Variants in ARFGEF1 observed in about 807,000 individuals in gnomAD.
ARFGEF1 encodes the protein brefeldin A-inhibited guanine nucleotide-exchange protein 1.
Under a neutral mutation model 231.0 loss-of-function variants are expected in ARFGEF1, and 42 were observed. The ratio of observed to expected loss-of-function variants is 0.18; its 90% CI spans 0.14 to 0.24. The LOEUF (loss-of-function observed/expected upper bound fraction) is 0.24, where lower values mean the gene tolerates loss of function less well. Among genes scored for constraint, ARFGEF1 ranks in the 10% least tolerant of loss-of-function variants. The pLI is 1.00. For missense variants in ARFGEF1, 1,345 were observed against 2,192.0 expected, an observed-to-expected ratio of 0.61 and a Z score of 7.72; for synonymous variants, 710 against 732.3, an observed-to-expected ratio of 0.97 and a Z score of 0.49.
In ARFGEF1 at chr8:67,201,624, T is replaced by C; in HGVS notation, c.5129-19A>G. 3 of 1,612,692 alleles carry C rather than the reference T, an allele frequency of 1.9e-6. No homozygotes were observed. Among genetic ancestry groups the C allele is most frequent in the Admixed American group, 1.7e-5 (1 of 59,802 alleles). On this transcript the variant is annotated intron_variant, in intron 36 of 38. Coordinates refer to ENST00000262215, the MANE Select transcript of ARFGEF1 (RefSeq NM_006421.5). ...TTGAATCCTGCAGAAAAGGGAAGTTTCTGGGATTAGTTTGGGAAGGCATCT... is the reference window on the plus strand; with the variant it reads ...TTGAATCCTGCAGAAAAGGGAAGTTCCTGGGATTAGTTTGGGAAGGCATCT...
Position 67,253,437 on chromosome 8 carries a change from AT to A in ARFGEF1, c.2698+13del. The A allele has an allele frequency of 6.6e-7, 1 of 1,505,488 alleles. No homozygotes were observed. Among genetic ancestry groups the A allele is most frequent in the Middle Eastern group, 2.1e-4 (1 of 4,844 alleles). The allele number at this position is 1,505,488 out of a possible 1,614,324, so 93.3% of individuals were successfully genotyped here. ...CCCTTGAACAATCAGAATTCAATTA[AT>A]TTAGATACTTACTCTGTTTACTTGA... On this transcript the variant is annotated intron_variant, in intron 18 of 38. Transcript: ENST00000262215.
chr8:67,292,198 A>G (rs1806038744), intron 5 of ARFGEF1, 75 bp from the exon 6 acceptor site: 2 of 1,290,420 alleles, frequency 1.5e-6, no homozygotes, highest in African/African-American at 3.0e-5. Context: ...TACCTCCAAC[A>G]ATCCTTTCTA....
chr8:67,294,465 C>CA (rs373193467), intron 5 of ARFGEF1, among the ~76,000 whole-genome samples: 2 of 151,902 alleles, frequency 1.3e-5, no homozygotes, highest in Admixed American at 6.6e-5. Flanking sequence ...AGGCTAAAGA[C>CA]AAAAAAACCT....
rs1283361362 is a variant in ARFGEF1, at chr8:67,290,634, A to T, written c.916+1213T>A. ...GCCTAAGACACAGTATGCTCAATGA[A>T]GGTTTGCTAAATGCATAGATATATA... is the stretch of plus-strand genomic sequence containing the variant. On this transcript the variant is annotated intron_variant, in intron 6 of 38. Coordinates refer to ENST00000262215, the MANE Select transcript of ARFGEF1 (RefSeq NM_006421.5). Among the ~76,000 whole-genome samples the T allele has an allele frequency of 2.0e-5, 3 of 152,194 alleles. No individual in the cohort carries two copies. The East Asian group carries it at 5.8e-4, about 29-fold the overall frequency.
chr8:67,281,967 C>T (rs1041874712), intron 7 of ARFGEF1, among the ~76,000 whole-genome samples: 1 of 152,258 alleles, frequency 6.6e-6, no homozygotes, highest in Non-Finnish European at 1.5e-5. Context: ...AGACTCGATA[C>T]TGTTGCAAAG....
At chr8:67,253,917 G>A (rs1382603751) in intron 17 of ARFGEF1, among the ~76,000 whole-genome samples, 2 of 152,158 alleles carry the variant, frequency 1.3e-5, no homozygotes, top group African/African-American at 2.4e-5. Context: ...AGGTTTAAGA[G>A]CTTTTGCAGT....
In ARFGEF1 at chr8:67,185,140, C is replaced by CA. The variant is rs1011572892; in HGVS notation, c.561-9569dup. The stretch of plus-strand genomic sequence containing the variant: ...AAACAAAAACAAACAAACAAACAAA[C>CA]AAAAAACACAACATAGTCCAAGAGC... On this transcript the variant is annotated intron_variant, in intron 5 of 5. Transcript: ENST00000518789. 4.3e-3 allele frequency among the ~76,000 whole-genome samples: 637 copies of CA among 149,780 alleles called. 9 individuals carry two copies. The highest frequency in any genetic ancestry group is 0.015 in the African/African-American group (604 of 39,944).
At chr8:67,179,923 A>G (rs1832612027) in intron 5 of ARFGEF1, 1 of 1,517,868 alleles carries the variant, frequency 6.6e-7, no homozygotes, top group Non-Finnish European at 9.1e-7. Flanking sequence ...TAGTGCTTTT[A>G]TTGGTGAGTA....
downstream of ARFGEF1, chr8:67,195,471 C>T (rs781579090): frequency 1.4e-5 from 22 of 1,614,006 alleles, no homozygotes; most frequent in East Asian, 2.2e-5. Context: ...GCCCTGGCTC[C>T]GCCCTGGCAC....
intron 22 of ARFGEF1, among the ~76,000 whole-genome samples, chr8:67,234,229 C>A (rs1471556777): frequency 6.6e-6 from 1 of 152,070 alleles, no homozygotes; most frequent in South Asian, 2.1e-4. Flanking sequence ...AAAGATGTAA[C>A]CCCTGTCCTC....
At chr8:67,239,447 A>T (rs562315885) in intron 20 of ARFGEF1, among the ~76,000 whole-genome samples, 1 of 152,282 alleles carries the variant, frequency 6.6e-6, no homozygotes, top group East Asian at 1.9e-4. Flanking sequence ...AAGATGATGC[A>T]TGAAGCAGAA....
intron 1 of ARFGEF1, among the ~76,000 whole-genome samples, chr8:67,323,764 AAC>A (rs1350796915): frequency 6.6e-6 from 1 of 152,052 alleles, no homozygotes; most frequent in Non-Finnish European, 1.5e-5. Context: ...ACAGTTTATT[AAC>A]AGTCTCACTG....
At chr8:67,333,771 T>TTCCGAA (rs1808212493) in intron 1 of ARFGEF1, among the ~76,000 whole-genome samples, 2 of 152,108 alleles carry the variant, frequency 1.3e-5, no homozygotes, top group Non-Finnish European at 2.9e-5. Context: ...AAGTGAAAAA[T>TTCCGAA]TCCGAATCTC....
chr8:67,260,639 C>CA (rs981593811), intron 14 of ARFGEF1, among the ~76,000 whole-genome samples: 1 of 151,868 alleles, frequency 6.6e-6, no homozygotes. Flanking sequence ...TATTCTGAGA[C>CA]AAAAAAATAC....
intron 1 of ARFGEF1, among the ~76,000 whole-genome samples, chr8:67,329,573 TAAAA>T (rs1293565893): frequency 6.8e-6 from 1 of 147,896 alleles, no homozygotes; most frequent in African/African-American, 2.5e-5. Context: ...AATAAATAAA[TAAAA>T]AGAATTTTTT....
At chr8:67,313,042 C>T (rs902896026) in intron 1 of ARFGEF1, among the ~76,000 whole-genome samples, 1 of 152,170 alleles carries the variant, frequency 6.6e-6, no homozygotes, top group African/African-American at 2.4e-5. Flanking sequence ...AGTAAAGTAG[C>T]AGACTTATGC....
At chr8:67,334,932 A>T (rs1289240996) in intron 1 of ARFGEF1, among the ~76,000 whole-genome samples, 1 of 152,150 alleles carries the variant, frequency 6.6e-6, no homozygotes, top group African/African-American at 2.4e-5. Flanking sequence ...AGGTAATAGA[A>T]ATGTTCTAAA....
At chr8:67,286,604 C>T (rs1484461072) in intron 7 of ARFGEF1, among the ~76,000 whole-genome samples, 1 of 152,216 alleles carries the variant, frequency 6.6e-6, no homozygotes, top group Non-Finnish European at 1.5e-5. Flanking sequence ...ATCTGGCCCA[C>T]AGGCCGTAAT....
chr8:67,322,951 A>AT (rs1807663651), intron 1 of ARFGEF1, among the ~76,000 whole-genome samples: 1 of 152,182 alleles, frequency 6.6e-6, no homozygotes, highest in Non-Finnish European at 1.5e-5. Context: ...ATATACTTAA[A>AT]TGTTTTCCAA....
Sources: allele counts gnomAD v4.1 joint callset (sites outside exome capture counted in the v4.1 genomes callset), GRCh38; gene constraint gnomAD v4.1.1; transcripts MANE v1.5; gene names NCBI Gene and HGNC (gene_info 2026-07-23, HGNC 2026-07-21).